The following GLI2 variants were observed in gnomAD, a reference collection of about 807,000 sequenced individuals.
GLI2 encodes GLI family zinc finger 2.
In GLI2, 22 loss-of-function variants were observed where a neutral mutation model predicts 78.9. That is an observed-to-expected ratio of 0.28 (90% CI 0.20 to 0.40). GLI2 has a LOEUF of 0.40. Among genes scored for constraint, GLI2 ranks in the 10% least tolerant of loss-of-function variants. The probability of loss-of-function intolerance (pLI) is 1.00; values close to 1 mark genes in which losing one functional copy is unlikely to be tolerated. For missense variants in GLI2, 2,097 were observed against 2,213.2 expected, an observed-to-expected ratio of 0.95 and a Z score of 1.05; for synonymous variants, 974 against 963.7, an observed-to-expected ratio of 1.01 and a Z score of -0.20.
At position 120,746,817 on chromosome 2, in the gene GLI2, T is replaced by A. The variant is rs1229360930; in HGVS notation, c.-31+10532T>A. Among the ~76,000 whole-genome samples, 8 of 152,222 alleles carry A rather than the reference T, an allele frequency of 5.3e-5. No homozygotes were observed. The South Asian group carries it at 6.2e-4, about 12-fold the overall frequency. Reference sequence around the variant, plus strand: ...CTAGTCTCTGTTTTTTAATATAAAATTTTTTTTGCTCTATCCTTTCTTACA... The same window carrying A: ...CTAGTCTCTGTTTTTTAATATAAAAATTTTTTTGCTCTATCCTTTCTTACA... On this transcript the variant is annotated intron_variant, in intron 1 of 13. Coordinates refer to ENST00000361492, the MANE Select transcript of GLI2 (RefSeq NM_001374353.1).
rs1682384354 is a variant in GLI2 at position 120,975,013 on chromosome 2, T to A, written c.1221T>A (p.Asp407Glu). 2.5e-6 allele frequency: 4 copies of A among 1,614,016 alleles called. No homozygotes were observed. Among genetic ancestry groups the A allele is most frequent in the Non-Finnish European group, 2.5e-6 (3 of 1,180,030 alleles). ...ACCTCAAGGAAGATCTGGACAGGGA[T>A]GACTGTAAGCAGGAGGCTGAGGTGG... ...LADLKEDLDR[D>E]DCKQEAEVVI... The change falls in exon 9 of 14, where the codon GAT becomes GAA. Residue 407 changes from aspartate to glutamate, a missense_variant. Around this residue, in one of 5 missense-constraint regions of GLI2, gnomAD observed 578 missense variants for 612.0 expected, o/e 0.94. Transcript: ENST00000361492.
chr2:120,875,278 A>G (rs1688678526), intron 2 of GLI2, among the ~76,000 whole-genome samples: 1 of 152,248 alleles, frequency 6.6e-6, no homozygotes. Flanking sequence ...TAACAGGCAC[A>G]GTGTGGACAA....
intron 1 of GLI2, among the ~76,000 whole-genome samples, chr2:120,771,275 G>A (rs1047027940): frequency 2.0e-5 from 3 of 152,188 alleles, no homozygotes; most frequent in African/African-American, 4.8e-5. Flanking sequence ...AGCACGTGCC[G>A]CTTGGGTTCA....
intron 2 of GLI2, among the ~76,000 whole-genome samples, chr2:120,854,850 T>G (rs534566248): frequency 6.6e-6 from 1 of 152,182 alleles, no homozygotes; most frequent in Non-Finnish European, 1.5e-5. Context: ...AAAGTTTGCA[T>G]TTGTAAGTCC....
chr2:120,849,145 CAGAA>C, intron 2 of GLI2, among the ~76,000 whole-genome samples: 1 of 152,148 alleles, frequency 6.6e-6, no homozygotes, highest in African/African-American at 2.4e-5. Context: ...TTCAGAGAGA[CAGAA>C]AGTAGAATCG....
intron 5 of GLI2, among the ~76,000 whole-genome samples, chr2:120,959,088 T>G (rs887199427): frequency 3.3e-5 from 5 of 152,122 alleles, no homozygotes; most frequent in African/African-American, 1.2e-4. Flanking sequence ...AACTTTGCCT[T>G]CCGGGCACTC....
At chr2:120,900,798 T>A (rs2104780320) in intron 2 of GLI2, among the ~76,000 whole-genome samples, 1 of 152,326 alleles carries the variant, frequency 6.6e-6, no homozygotes, top group East Asian at 1.9e-4. Flanking sequence ...TAGAGGCGGC[T>A]CTGGAGGTGG....
At chr2:120,832,095 G>A (rs1031617480) in intron 2 of GLI2, among the ~76,000 whole-genome samples, 1 of 152,158 alleles carries the variant, frequency 6.6e-6, no homozygotes, top group Non-Finnish European at 1.5e-5. Context: ...GTGGATTGGG[G>A]CCCCAGTCCA....
intron 2 of GLI2, among the ~76,000 whole-genome samples, chr2:120,861,762 G>A (rs1368370139): frequency 6.6e-6 from 1 of 152,188 alleles, no homozygotes; most frequent in Non-Finnish European, 1.5e-5. Flanking sequence ...GCTGTCCACC[G>A]CAGAAATGTG....
At chr2:120,978,703 G>T in intron 10 of GLI2, 120 bp downstream of exon 10, 1 of 1,101,280 alleles carries the variant, frequency 9.1e-7, no homozygotes, top group East Asian at 2.6e-5. Flanking sequence ...GACCACAGCA[G>T]GGGCTCTGGG....
chr2:120,939,545 A>G (rs1680355761), intron 3 of GLI2, among the ~76,000 whole-genome samples: 1 of 152,278 alleles, frequency 6.6e-6, no homozygotes, highest in East Asian at 1.9e-4. Flanking sequence ...GTCATGCTTT[A>G]TATACATGGA....
intron 2 of GLI2, among the ~76,000 whole-genome samples, chr2:120,804,389 A>G (rs1684846948): frequency 6.6e-6 from 1 of 152,038 alleles, no homozygotes; most frequent in Non-Finnish European, 1.5e-5. Flanking sequence ...GGGATTATGG[A>G]ATCTGATGCT....
At chr2:120,776,725 T>C (rs1683686631) in intron 1 of GLI2, among the ~76,000 whole-genome samples, 1 of 152,104 alleles carries the variant, frequency 6.6e-6, no homozygotes, top group African/African-American at 2.4e-5. Flanking sequence ...AGCAGCTGGG[T>C]CAGGGGCTGT....
intron 1 of GLI2, among the ~76,000 whole-genome samples, chr2:120,767,684 C>G (rs1157256516): frequency 6.6e-6 from 1 of 152,250 alleles, no homozygotes; most frequent in African/African-American, 2.4e-5. Context: ...CCAGCCCCCA[C>G]TGCCTCGCCT....
At chr2:120,970,657 T>G (rs369281896) in intron 7 of GLI2, 51 bp downstream of exon 7, 451 of 1,439,596 alleles carry the variant, frequency 3.1e-4, no homozygotes, top group Non-Finnish European at 3.5e-4. Flanking sequence ...TCTGGACACA[T>G]GAGGGTTGTT....
At chr2:120,984,995 G>A (rs1031857194) in intron 12 of GLI2, among the ~76,000 whole-genome samples, 16 of 152,152 alleles carry the variant, frequency 1.1e-4, no homozygotes, top group Admixed American at 7.9e-4. Context: ...CAGGGATGCC[G>A]CCCTGTACGG....
chr2:120,771,304 G>T (rs1683514965), intron 1 of GLI2, among the ~76,000 whole-genome samples: 1 of 152,246 alleles, frequency 6.6e-6, no homozygotes. Context: ...CTGGGCCCAA[G>T]GAATGAGAGC....
At chr2:120,937,649 G>C (rs1680262237) in intron 3 of GLI2, among the ~76,000 whole-genome samples, 1 of 152,204 alleles carries the variant, frequency 6.6e-6, no homozygotes, top group Admixed American at 6.5e-5. Flanking sequence ...CCAATGAGGG[G>C]CCTCCACTTC....
chr2:120,913,331 T>C (rs900410594), intron 2 of GLI2, among the ~76,000 whole-genome samples: 8 of 152,154 alleles, frequency 5.3e-5, no homozygotes, highest in African/African-American at 1.9e-4. Flanking sequence ...TTTGAAGACG[T>C]AGTAGGAATA....
Sources: allele counts gnomAD v4.1 joint callset (sites outside exome capture counted in the v4.1 genomes callset), GRCh38; gene constraint gnomAD v4.1.1; regional missense constraint gnomAD v4.1.1; transcripts MANE v1.5; gene names NCBI Gene and HGNC (gene_info 2026-07-23, HGNC 2026-07-21).